The following DIP2C variants were observed in gnomAD, a reference collection of about 807,000 sequenced individuals.
DIP2C encodes the protein DIP2 acetate--CoA ligase C (putative), also known as disco-interacting protein 2 homolog C.
Under a neutral mutation model 192.4 loss-of-function variants are expected in DIP2C, and 33 were observed. The ratio of observed to expected loss-of-function variants is 0.17; its 90% CI spans 0.13 to 0.23. The LOEUF (loss-of-function observed/expected upper bound fraction) is 0.23, where lower values mean the gene tolerates loss of function less well. Among genes scored for constraint, DIP2C ranks in the 10% least tolerant of loss-of-function variants. The pLI is 1.00. For missense variants in DIP2C, 1,537 were observed against 2,110.1 expected (o/e 0.73, Z 5.32); for synonymous variants, 979 against 864.1 (o/e 1.13, Z -2.33).
In DIP2C at chr10:666,626, TGGCCTGTCTGC is replaced by T. The variant is rs1857116864; in HGVS notation, c.85+22857_85+22867del. The T allele has an allele frequency of 8.1e-5, 1 of 12,336 alleles. No homozygotes were observed. Among genetic ancestry groups the T allele is most frequent in the African/African-American group, 1.0e-4 (1 of 9,788 alleles). The allele number at this position is 12,336 out of a possible 1,614,324, so 0.8% of individuals were successfully genotyped here. A position where few individuals can be genotyped will look rare whatever the true frequency, so the allele number is the denominator to read the frequency against. ...TGTCTGCCCGTGGCCTGTCTGCCCG[TGGCCTGTCTGC>T]CCGTGGCCTGTCTGCGCACAGCTAT... On this transcript the variant is annotated intron_variant, in intron 1 of 36. Transcript: ENST00000280886. This position sits in a 1 kb window ranked among gnomAD's most constrained non-coding sequence, Gnocchi z 4.1.
intron 1 of DIP2C, among the ~76,000 whole-genome samples, chr10:550,485 C>T (rs1290620787): frequency 6.6e-6 from 1 of 152,178 alleles, no homozygotes; most frequent in Non-Finnish European, 1.5e-5. Context: ...AAGATCATCT[C>T]GGCATCTTTA....
chr10:556,072 G>GCTTGTCCTGGGC (rs1564845268), intron 1 of DIP2C, among the ~76,000 whole-genome samples: 2 of 147,490 alleles, frequency 1.4e-5, no homozygotes, highest in African/African-American at 5.1e-5. Flanking sequence ...CGGATCCCAG[G>GCTTGTCCTGGGC]ACAGCACCCA....
chr10:618,052 A>G (rs1460621046), intron 1 of DIP2C, among the ~76,000 whole-genome samples: 1 of 152,216 alleles, frequency 6.6e-6, no homozygotes. Flanking sequence ...TGTGTGTTTA[A>G]AATTCCAAAA....
intron 3 of DIP2C, among the ~76,000 whole-genome samples, chr10:458,008 C>G (rs1295123780): frequency 6.6e-6 from 1 of 152,152 alleles, no homozygotes; most frequent in East Asian, 1.9e-4. Flanking sequence ...AGCATGAGAG[C>G]CGCCCAGCCA....
At chr10:528,384 T>TC (rs1564821184) in intron 1 of DIP2C, among the ~76,000 whole-genome samples, 1 of 86,158 alleles carries the variant, frequency 1.2e-5, no homozygotes, top group Non-Finnish European at 2.1e-5. Flanking sequence ...CGCCCGCAGC[T>TC]CCCCCAGAAC....
rs373758802 is a variant in DIP2C at position 566,583 on chromosome 10, C to T, written c.86-80053G>A. On this transcript the variant is annotated intron_variant, in intron 1 of 36. Transcript: ENST00000280886. The stretch of plus-strand genomic sequence containing the variant: ...GAGGAGACAGGTGTCAGCACCTTTT[C>T]CTGCCCTCTCCAGAGGCGAGGGCCC... Among the ~76,000 whole-genome samples, 5 of 152,262 alleles carry T rather than the reference C, an allele frequency of 3.3e-5. No individual in the cohort carries two copies. The East Asian group carries it at 7.7e-4, about 23-fold the overall frequency.
rs532856867 is a variant in DIP2C, at chr10:531,608, G to A, written c.86-45078C>T. ...AAAGCCAACTCTGGAGGTAAAGGCC[G>A]AGCTCGGGAAAGGCGGTGTCACCGG... is the stretch of plus-strand genomic sequence containing the variant. On this transcript the variant is annotated intron_variant, in intron 1 of 36. Transcript: ENST00000280886. 4.1e-4 allele frequency among the ~76,000 whole-genome samples: 63 copies of A among 152,292 alleles called. No individual in the cohort carries two copies. In the South Asian group the frequency reaches 0.012, roughly 29 times the overall value.
rs756419855 is a variant in DIP2C, at chr10:369,612, C to T, written c.2013G>A (p.Gln671=). Residue 671 remains glutamine (Q), a synonymous_variant, in exon 18 of 37, where the codon CAG becomes CAA. Transcript: ENST00000280886. ...AIRRPTDDSN[Q]PPGRGVLSMH... is the part of the protein sequence containing the mutation. ...TGGAGAGGACACCCCGGCCCGGGGG[C>T]TGGTTACTGTCATCCGTGGGCCTGT... 1.9e-6 allele frequency: 3 copies of T among 1,614,048 alleles called. No individual in the cohort carries two copies. The highest frequency in any genetic ancestry group is 2.5e-6 in the Non-Finnish European group (3 of 1,179,960).
rs533333770 is a variant in DIP2C, at chr10:379,949, G to C, written c.1991+2698C>G. Among the ~76,000 whole-genome samples, 29 of 152,012 alleles carry C rather than the reference G, an allele frequency of 1.9e-4. No individual in the cohort carries two copies. In the East Asian group the frequency reaches 4.1e-3, roughly 21 times the overall value. ...CAGAAAAGGCTGTCCCTGGAAGATG[G>C]TTAACGTGCAGAAGAGGATGTCCCT... On this transcript the variant is annotated intron_variant, in intron 17 of 36. Coordinates refer to ENST00000280886, the MANE Select transcript of DIP2C (RefSeq NM_014974.3).
rs1019028321 is a variant in DIP2C at position 652,718 on chromosome 10, T to C, written c.85+36776A>G. ...ATCCCACTTCCCGGTGCTGACCCCA[T>C]GAGAACACTTTGTGCGTCTTTCTAG... is the stretch of plus-strand genomic sequence containing the variant. On this transcript the variant is annotated intron_variant, in intron 1 of 36. Transcript: ENST00000280886. The surrounding 1 kb of genome is among the most constrained non-coding windows in gnomAD (Gnocchi z 4.5). 6.6e-6 allele frequency: 1 copy of C among 152,164 alleles called. No individual in the cohort carries two copies. The highest frequency in any genetic ancestry group is 6.5e-5 in the Admixed American group (1 of 15,280). The allele number at this position is 152,164 out of a possible 1,614,324, so 9.4% of individuals were successfully genotyped here. A position where few individuals can be genotyped will look rare whatever the true frequency, so the allele number is the denominator to read the frequency against.
intron 29 of DIP2C, chr10:340,854 T>C (rs1298087936): frequency 2.1e-6 from 1 of 466,090 alleles, no homozygotes; most frequent in Admixed American, 2.3e-5. Context: ...CTGCAATGCC[T>C]GCTGGCCCAG....
chr10:479,208 T>C (rs1843401113), intron 2 of DIP2C, among the ~76,000 whole-genome samples: 6 of 152,130 alleles, frequency 3.9e-5, no homozygotes, highest in Admixed American at 3.9e-4. Flanking sequence ...ACAACTGTTG[T>C]AAACACTGGT....
intron 10 of DIP2C, among the ~76,000 whole-genome samples, chr10:396,360 T>G (rs1963984245): frequency 6.6e-6 from 1 of 152,180 alleles, no homozygotes. Context: ...CTCCCCCCTT[T>G]ATCCAAATCA....
In DIP2C at chr10:689,139, C is replaced by T. The variant is rs1204090118; in HGVS notation, c.85+355G>A. 6.6e-6 allele frequency among the ~76,000 whole-genome samples: 1 copy of T among 152,068 alleles called. No homozygotes were observed. The highest frequency in any genetic ancestry group is 1.9e-4 in the East Asian group (1 of 5,176). On this transcript the variant is annotated intron_variant, in intron 1 of 36. Transcript: ENST00000280886. This position sits in a 1 kb window ranked among gnomAD's most constrained non-coding sequence, Gnocchi z 6.1. ...GTCCCCGCGCGGCGCCCAGGCCCCA[C>T]AGACACCCCCAGGGCGCGGGGGGAT...
intron 17 of DIP2C, among the ~76,000 whole-genome samples, chr10:375,865 G>A (rs531765251): frequency 0.013 from 153 of 11,446 alleles, no homozygotes; most frequent in Non-Finnish European, 0.019. Flanking sequence ...GAGTCAACAA[G>A]GTCTTTCATT....
intron 1 of DIP2C, among the ~76,000 whole-genome samples, chr10:680,306 C>T (rs894629953): frequency 3.9e-5 from 6 of 152,204 alleles, no homozygotes; most frequent in African/African-American, 9.7e-5. Flanking sequence ...CTCACACGCA[C>T]GGCCTGACAT....
intron 1 of DIP2C, among the ~76,000 whole-genome samples, chr10:574,052 TGAA>T (rs1363420073): frequency 6.6e-6 from 1 of 152,232 alleles, no homozygotes; most frequent in Non-Finnish European, 1.5e-5. Flanking sequence ...GCAAGGGAGT[TGAA>T]GAAAACTGCA....
intron 9 of DIP2C, among the ~76,000 whole-genome samples, chr10:402,023 A>C (rs1373176299): frequency 1.0e-4 from 12 of 120,214 alleles, no homozygotes; most frequent in African/African-American, 3.2e-4. Context: ...ACTCTTCCTT[A>C]TGGACAAGTT....
At chr10:524,344 C>G (rs927300035) in intron 1 of DIP2C, among the ~76,000 whole-genome samples, 2 of 152,196 alleles carry the variant, frequency 1.3e-5, no homozygotes, top group African/African-American at 2.4e-5. Flanking sequence ...AAAAGCAAGG[C>G]TAACAGCAGG....
Sources: allele counts gnomAD v4.1 joint callset (sites outside exome capture counted in the v4.1 genomes callset), GRCh38; gene constraint gnomAD v4.1.1; non-coding constraint Gnocchi (gnomAD v3.1); transcripts MANE v1.5; gene names NCBI Gene and HGNC (gene_info 2026-07-23, HGNC 2026-07-21).